TECPR2: variants seen among roughly 807,000 people sequenced by gnomAD.
The protein encoded by TECPR2 is tectonin beta-propeller repeat-containing protein 2.
Under a neutral mutation model 138.1 loss-of-function variants are expected in TECPR2, and 65 were observed. That is an observed-to-expected ratio of 0.47 (90% confidence interval 0.39 to 0.58). The LOEUF is 0.58. Ranked by LOEUF, TECPR2 falls within the 20% of genes least tolerant of loss-of-function variation. TECPR2 has a pLI of 0.00. For synonymous variants in TECPR2, 746 were observed against 749.8 expected, an observed-to-expected ratio of 0.99 and a Z score of 0.08; for missense variants, 1,553 against 1,824.5, an observed-to-expected ratio of 0.85 and a Z score of 2.71.
intron 17 of TECPR2, among the ~76,000 whole-genome samples, chr14:102,486,090 A>C (rs1014153242): frequency 6.6e-6 from 1 of 152,196 alleles, no homozygotes; most frequent in Non-Finnish European, 1.5e-5. Context: ...TAGCAGATGC[A>C]GCTTCTTGCT....
chr14:102,479,579 C>T (rs1890840074), intron 17 of TECPR2, among the ~76,000 whole-genome samples: 1 of 152,136 alleles, frequency 6.6e-6, no homozygotes, highest in Non-Finnish European at 1.5e-5. Flanking sequence ...AATTCTTTGG[C>T]CTGATTCGCT....
At position 102,499,409 on chromosome 14, in the gene TECPR2, T is replaced by C. The variant is rs1891385388; in HGVS notation, c.*1152T>C. 1 of 591,534 alleles carries C rather than the reference T, an allele frequency of 1.7e-6. No individual in the cohort carries two copies. The highest frequency in any genetic ancestry group is 3.0e-6 in the Non-Finnish European group (1 of 331,858). The allele number at this position is 591,534 out of a possible 1,614,324, so 36.6% of individuals were successfully genotyped here. On this transcript the variant is annotated 3_prime_UTR_variant, in exon 20 of 20. Coordinates refer to ENST00000359520, the MANE Select transcript of TECPR2 (RefSeq NM_014844.5). ...AGAGAGATATGTTTTCCGAAAACAG[T>C]GGAAGCCCTTTGTTCCTTCCCGGGT...
At chr14:102,462,778 C>T (rs1890438377) in intron 16 of TECPR2, among the ~76,000 whole-genome samples, 1 of 152,158 alleles carries the variant, frequency 6.6e-6, no homozygotes, top group Non-Finnish European at 1.5e-5. Flanking sequence ...AATGAAAAAG[C>T]AAACCACAGA....
chr14:102,405,883 G>A (rs1386580632), intron 2 of TECPR2, among the ~76,000 whole-genome samples: 1 of 152,114 alleles, frequency 6.6e-6, no homozygotes. Context: ...GCTATAACAC[G>A]GATGAACCTT....
rs192014276 is a variant in TECPR2, at chr14:102,428,139, C to T, written c.952-111C>T. 224 of 1,312,220 alleles carry T rather than the reference C, an allele frequency of 1.7e-4. No individual in the cohort carries two copies. In the African/African-American group the frequency reaches 3.2e-3, roughly 19 times the overall value. The allele number at this position is 1,312,220 out of a possible 1,614,324, so 81.3% of individuals were successfully genotyped here. ...TTCAGAAAGTTACCATAGTAAAGTGCAGTTATCATTTGACTGATTTGGACT... is the reference window on the plus strand; with the variant it reads ...TTCAGAAAGTTACCATAGTAAAGTGTAGTTATCATTTGACTGATTTGGACT... On this transcript the variant is annotated intron_variant, in intron 6 of 19. Coordinates refer to ENST00000359520, the MANE Select transcript of TECPR2 (RefSeq NM_014844.5).
chr14:102,398,642 A>G (rs1023343947), intron 2 of TECPR2, among the ~76,000 whole-genome samples: 1 of 151,360 alleles, frequency 6.6e-6, no homozygotes, highest in Non-Finnish European at 1.5e-5. Context: ...CAGGAGGATC[A>G]CTTGAGTTCA....
intron 7 of TECPR2, among the ~76,000 whole-genome samples, chr14:102,430,452 G>T (rs1363713352): frequency 8.5e-5 from 13 of 152,174 alleles, no homozygotes; most frequent in African/African-American, 2.7e-4. Flanking sequence ...CCTGCAGTCT[G>T]CCCCTAACAC....
chr14:102,368,621 TTTTA>T (rs978626150), intron 1 of TECPR2, among the ~76,000 whole-genome samples: 1 of 152,136 alleles, frequency 6.6e-6, no homozygotes, highest in Non-Finnish European at 1.5e-5. Context: ...GGTTTTTTTT[TTTTA>T]TTTTTGTCGG....
intron 2 of TECPR2, among the ~76,000 whole-genome samples, chr14:102,384,791 AAG>A (rs963095186): frequency 6.7e-6 from 1 of 149,380 alleles, no homozygotes; most frequent in African/African-American, 2.5e-5. Flanking sequence ...GTCACATGGC[AAG>A]AGAGGAAGCA....
chr14:102,437,928 G>T, intron 9 of TECPR2, 94 bp from the exon 10 acceptor site: 2 of 1,428,722 alleles, frequency 1.4e-6, no homozygotes, highest in Admixed American at 4.2e-5. Context: ...ACCGTCTCGT[G>T]TTAATGATAT....
chr14:102,478,898 T>C (rs1237841934), intron 17 of TECPR2, among the ~76,000 whole-genome samples: 2 of 151,620 alleles, frequency 1.3e-5, no homozygotes, highest in Non-Finnish European at 2.9e-5. Context: ...ATGCCTGTAA[T>C]TTCAGCTACT....
At chr14:102,441,450 G>T (rs1185880341) in intron 11 of TECPR2, among the ~76,000 whole-genome samples, 2 of 149,668 alleles carry the variant, frequency 1.3e-5, no homozygotes, top group Non-Finnish European at 3.0e-5. Flanking sequence ...GCCTAGACGA[G>T]CAGATCACCT....
At chr14:102,482,439 T>C (rs1010408923) in intron 17 of TECPR2, among the ~76,000 whole-genome samples, 2 of 152,188 alleles carry the variant, frequency 1.3e-5, no homozygotes, top group Non-Finnish European at 2.9e-5. Flanking sequence ...GAATGTGTCC[T>C]CTCCATTTCT....
chr14:102,445,745 C>G, intron 12 of TECPR2, 61 bp from the exon 13 acceptor site: 1 of 1,563,054 alleles, frequency 6.4e-7, no homozygotes, highest in Non-Finnish European at 8.7e-7. Flanking sequence ...GTCCGCAGTC[C>G]AGACACACTG....
chr14:102,491,379 A>ATTTTT (rs1286837502), intron 17 of TECPR2, among the ~76,000 whole-genome samples: 12 of 152,146 alleles, frequency 7.9e-5, no homozygotes, highest in African/African-American at 2.9e-4. Context: ...CCATGCCCAG[A>ATTTTT]TAATTTTTTA....
chr14:102,463,715 G>A (rs534162326), intron 16 of TECPR2, among the ~76,000 whole-genome samples: 4 of 152,178 alleles, frequency 2.6e-5, no homozygotes, highest in African/African-American at 9.6e-5. Context: ...CTTGAGGTCA[G>A]GAGTTCGAGA....
chr14:102,476,227 AAAAAC>A (rs1890757843), intron 17 of TECPR2, among the ~76,000 whole-genome samples: 1 of 150,938 alleles, frequency 6.6e-6, no homozygotes, highest in Non-Finnish European at 1.5e-5. Flanking sequence ...AAAAAAAAAA[AAAAAC>A]AATATCAAAA....
At chr14:102,496,811 T>TC (rs2139802692) in intron 17 of TECPR2, 168 bp from the exon 18 acceptor site, 1 of 965,224 alleles carries the variant, frequency 1.0e-6, no homozygotes, top group African/African-American at 1.6e-5. Flanking sequence ...AGTGACCATC[T>TC]CCCCCGTGAG....
At chr14:102,429,227 C>T (rs1261917530) in intron 7 of TECPR2, among the ~76,000 whole-genome samples, 1 of 152,094 alleles carries the variant, frequency 6.6e-6, no homozygotes, top group African/African-American at 2.4e-5. Context: ...GATAGTCTCA[C>T]ATTTAGTGGA....
Sources: gnomAD v4.1 joint callset for allele counts (sites outside exome capture counted in the v4.1 genomes callset) on GRCh38, gnomAD v4.1.1 for gene constraint, MANE v1.5 for transcripts, NCBI Gene and HGNC (gene_info 2026-07-23, HGNC 2026-07-21) for gene names.